Variants in KCNH5 observed in about 807,000 individuals in gnomAD.
The protein encoded by KCNH5 is potassium voltage-gated channel subfamily H member 5.
Under a neutral mutation model 96.1 loss-of-function variants are expected in KCNH5, and 46 were observed. That is an observed-to-expected ratio of 0.48 (90% CI 0.38 to 0.61). The LOEUF (loss-of-function observed/expected upper bound fraction) is 0.61. Among genes scored for constraint, KCNH5 ranks in the 20% least tolerant of loss-of-function variants. The pLI, the probability that KCNH5 is intolerant of heterozygous loss-of-function variation, is 0.00. For missense variants in KCNH5, 907 were observed against 1,225.8 expected (o/e 0.74, Z 3.88); for synonymous variants, 439 against 449.8 (o/e 0.98, Z 0.30).
chr14:62,788,908 T>C (rs1014786323), intron 9 of KCNH5, among the ~76,000 whole-genome samples: 4 of 152,130 alleles, frequency 2.6e-5, no homozygotes, highest in Non-Finnish European at 4.4e-5. Flanking sequence ...AAAAAATTGG[T>C]GACTCTATTA....
intron 10 of KCNH5, among the ~76,000 whole-genome samples, chr14:62,720,040 A>G (rs913285567): frequency 2.0e-5 from 3 of 152,338 alleles, no homozygotes; most frequent in Admixed American, 2.0e-4. Context: ...AGAAAAATAA[A>G]GTATAAGGAC....
chr14:62,855,805 T>G (rs1272212514), intron 7 of KCNH5, among the ~76,000 whole-genome samples: 1 of 152,128 alleles, frequency 6.6e-6, no homozygotes, highest in Non-Finnish European at 1.5e-5. Flanking sequence ...GTCAGAAGAT[T>G]GAACAATGTT....
chr14:63,008,961 GA>G (rs1891176570), intron 2 of KCNH5, among the ~76,000 whole-genome samples: 1 of 151,786 alleles, frequency 6.6e-6, no homozygotes, highest in Non-Finnish European at 1.5e-5. Flanking sequence ...TTTAATTAAA[GA>G]ATCTTAATAA....
intron 7 of KCNH5, among the ~76,000 whole-genome samples, chr14:62,923,727 T>C (rs1889421271): frequency 6.6e-6 from 1 of 151,936 alleles, no homozygotes; most frequent in Non-Finnish European, 1.5e-5. Flanking sequence ...GAAAGAACAG[T>C]ATCTTCAATA....
chr14:62,897,308 G>C (rs1888833440), intron 7 of KCNH5, among the ~76,000 whole-genome samples: 1 of 152,190 alleles, frequency 6.6e-6, no homozygotes, highest in South Asian at 2.1e-4. Flanking sequence ...ACAGATGTCT[G>C]ATCTGGTGTC....
In KCNH5 at chr14:63,001,442, A is replaced by G; in HGVS notation, c.322T>C (p.Tyr108His). 1 of 1,611,554 alleles carries G rather than the reference A, an allele frequency of 6.2e-7. No homozygotes were observed. ...TTTCTTATTGGTGCAATTTGCATAT[A>G]AAACCAAACAGGGGTTCCTGTAACA... Reference protein sequence around the residue: ...YKKNRTPVWFYMQIAPIRNEH... With the variant: ...YKKNRTPVWFHMQIAPIRNEH... Residue 108 changes from tyrosine to histidine, a missense_variant, in exon 4 of 11, where the codon TAT (tyrosine) becomes CAT (histidine). Physicochemically the swap from Tyr to His is moderately conservative, Grantham distance 83 (BLOSUM62 2). Coordinates refer to ENST00000322893, the MANE Select transcript of KCNH5 (RefSeq NM_139318.5).
intron 9 of KCNH5, among the ~76,000 whole-genome samples, chr14:62,795,329 T>G (rs1886518404): frequency 6.6e-6 from 1 of 152,174 alleles, no homozygotes; most frequent in Non-Finnish European, 1.5e-5. Context: ...ACCTGTGGGT[T>G]TCTCATCAAT....
chr14:62,711,519 A>C (rs1884567845), intron 10 of KCNH5, among the ~76,000 whole-genome samples: 1 of 152,210 alleles, frequency 6.6e-6, no homozygotes, highest in Non-Finnish European at 1.5e-5. Context: ...TAGGAAGTTA[A>C]GTAATTTTAA....
intron 10 of KCNH5, among the ~76,000 whole-genome samples, chr14:62,723,142 T>A (rs1182381351): frequency 2.6e-5 from 4 of 152,182 alleles, no homozygotes; most frequent in Non-Finnish European, 5.9e-5. Context: ...TAAAGATTTT[T>A]TTTTTTACCA....
intron 10 of KCNH5, among the ~76,000 whole-genome samples, chr14:62,717,498 C>T (rs144062614): frequency 5.5e-4 from 84 of 152,144 alleles, no homozygotes; most frequent in African/African-American, 1.8e-3. Flanking sequence ...TATGGTCAAC[C>T]GGTTTTTGAC....
At chr14:62,930,587 A>G (rs1237783730) in intron 7 of KCNH5, among the ~76,000 whole-genome samples, 1 of 152,194 alleles carries the variant, frequency 6.6e-6, no homozygotes, top group African/African-American at 2.4e-5. Flanking sequence ...TCAGGCAAGT[A>G]TGCCACTTGA....
intron 7 of KCNH5, among the ~76,000 whole-genome samples, chr14:62,887,255 T>C (rs925198883): frequency 4.6e-5 from 7 of 152,164 alleles, no homozygotes; most frequent in African/African-American, 1.7e-4. Flanking sequence ...TAGCAGGAAA[T>C]GATACAAGCG....
intron 9 of KCNH5, among the ~76,000 whole-genome samples, chr14:62,780,383 A>G (rs1039598042): frequency 6.6e-6 from 1 of 152,166 alleles, no homozygotes; most frequent in African/African-American, 2.4e-5. Context: ...TTCAGTAACT[A>G]TGTATTGTGC....
At chr14:63,025,525 G>A (rs1891507514) in intron 1 of KCNH5, among the ~76,000 whole-genome samples, 1 of 151,664 alleles carries the variant, frequency 6.6e-6, no homozygotes, top group African/African-American at 2.4e-5. Context: ...GTTCAGTAAA[G>A]TTGTAGGATA....
Position 62,700,262 on chromosome 14 carries a change from C to A in KCNH5, c.*7246G>T, listed in dbSNP as rs1884327351. On this transcript the variant is annotated 3_prime_UTR_variant, in exon 11 of 11. Transcript: ENST00000322893. ...AAGTCATTGCTCTTTCAACAAACTA[C>A]AATGGATGTTTTAGGGTAAAAAAAT... 1 of 152,194 alleles carries A rather than the reference C, an allele frequency of 6.6e-6. No homozygotes were observed. Among genetic ancestry groups the A allele is most frequent in the South Asian group, 2.1e-4 (1 of 4,832 alleles). 9.4% of individuals were successfully genotyped at this position (152,194 alleles called of 1,614,324 possible).
At chr14:62,735,068 A>C (rs1415499850) in intron 10 of KCNH5, among the ~76,000 whole-genome samples, 1 of 152,282 alleles carries the variant, frequency 6.6e-6, no homozygotes, top group African/African-American at 2.4e-5. Context: ...AAATGGAGGA[A>C]GATGTCATAT....
chr14:62,833,255 C>A (rs912556602), intron 8 of KCNH5, among the ~76,000 whole-genome samples: 1 of 151,844 alleles, frequency 6.6e-6, no homozygotes, highest in Non-Finnish European at 1.5e-5. Flanking sequence ...CATATGTTTT[C>A]TTCTAGTAGT....
At chr14:62,736,916 G>C (rs1885171055) in intron 10 of KCNH5, among the ~76,000 whole-genome samples, 2 of 152,054 alleles carry the variant, frequency 1.3e-5, no homozygotes, top group South Asian at 4.1e-4. Flanking sequence ...TCTCACCACA[G>C]TACAGGCTAA....
intron 7 of KCNH5, among the ~76,000 whole-genome samples, chr14:62,887,188 A>G (rs1888614315): frequency 6.6e-6 from 1 of 152,232 alleles, no homozygotes. Flanking sequence ...TTCACCTGCT[A>G]GCCTAGACTT....
Sources: allele counts gnomAD v4.1 joint callset (sites outside exome capture counted in the v4.1 genomes callset), GRCh38; gene constraint gnomAD v4.1.1; transcripts MANE v1.5; gene names NCBI Gene and HGNC (gene_info 2026-07-23, HGNC 2026-07-21).